Variants in STRIP2 observed in about 807,000 individuals in gnomAD.
STRIP2 encodes striatin interacting protein 2.
In STRIP2, 84 loss-of-function variants were observed where a neutral mutation model predicts 107.1. The ratio of observed to expected loss-of-function variants is 0.78; its 90% CI spans 0.66 to 0.94. The LOEUF is 0.94. Among genes scored for constraint, STRIP2 ranks in the 40% least tolerant of loss-of-function variants. The pLI, the probability that STRIP2 is intolerant of heterozygous loss-of-function variation, is 0.00. For synonymous variants in STRIP2, 394 were observed against 400.4 expected, an observed-to-expected ratio of 0.98 and a Z score of 0.19; for missense variants, 888 against 1,034.2, an observed-to-expected ratio of 0.86 and a Z score of 1.94.
At chr7:129,467,224 TAACAC>T (rs1423782296) in intron 16 of STRIP2, 121 bp from the exon 17 acceptor site, 13 of 695,482 alleles carry the variant, frequency 1.9e-5, no homozygotes, top group Non-Finnish European at 2.9e-5. Context: ...GGAAGACTGA[TAACAC>T]AAGTGGATAG....
rs371492703 is a variant in STRIP2, at chr7:129,487,668, A to G, written c.*1839A>G. The G allele has an allele frequency of 3.3e-5, 5 of 152,228 alleles. No individual in the cohort carries two copies. Among genetic ancestry groups the G allele is most frequent in the Non-Finnish European group, 7.3e-5 (5 of 68,038 alleles). The allele number at this position is 152,228 out of a possible 1,614,324, so 9.4% of individuals were successfully genotyped here. A position where few individuals can be genotyped will look rare whatever the true frequency, so the allele number is the denominator to read the frequency against. On this transcript the variant is annotated 3_prime_UTR_variant, in exon 21 of 21. Coordinates refer to ENST00000249344, the MANE Select transcript of STRIP2 (RefSeq NM_020704.3). Reference sequence around the variant, plus strand: ...AAGTAGGACAGTAGTCCTTACTGCAATCAAAATAATTTACTGAGCACAACT... The same window carrying G: ...AAGTAGGACAGTAGTCCTTACTGCAGTCAAAATAATTTACTGAGCACAACT...
chr7:129,434,631 C>A, intron 1 of STRIP2, 30 bp downstream of exon 1: 1 of 1,442,576 alleles, frequency 6.9e-7, no homozygotes, highest in Non-Finnish European at 9.1e-7. Flanking sequence ...TCGGCTGGGG[C>A]CCGGAGACGC....
At chr7:129,436,340 A>T (rs1013488637) in intron 1 of STRIP2, among the ~76,000 whole-genome samples, 1 of 152,158 alleles carries the variant, frequency 6.6e-6, no homozygotes, top group African/African-American at 2.4e-5. Context: ...TCCCTTCTAA[A>T]GTTGCAATCT....
In STRIP2 at chr7:129,454,196, T is replaced by C. The variant is rs143620897; in HGVS notation, c.585T>C (p.Asp195=). The change falls in exon 6 of 21, where the codon GAT becomes GAC. Residue 195 remains aspartate (D), a synonymous_variant. Coordinates refer to ENST00000249344, the MANE Select transcript of STRIP2 (RefSeq NM_020704.3). The stretch of plus-strand genomic sequence containing the variant: ...GGAAACCAGCTGTCTCCATAGCTGA[T>C]AGCACAGAGCTCAGGTGAGTGGGGC... ...ALRKPAVSIA[D]STELRVLLSV... 77 of 1,614,156 alleles carry C rather than the reference T, an allele frequency of 4.8e-5. No homozygotes were observed. The highest frequency in any genetic ancestry group is 1.2e-4 in the African/African-American group (9 of 75,042).
At chr7:129,470,770 AT>A in intron 18 of STRIP2, 55 bp downstream of exon 18, 2 of 1,479,166 alleles carry the variant, frequency 1.4e-6, no homozygotes, top group Non-Finnish European at 1.9e-6. Context: ...ACAGGTTGGC[AT>A]TTGCTCTTTC....
intron 13 of STRIP2, among the ~76,000 whole-genome samples, chr7:129,462,233 C>A (rs1018208893): frequency 1.3e-5 from 2 of 152,200 alleles, no homozygotes; most frequent in Non-Finnish European, 2.9e-5. Flanking sequence ...TTAGGACTTA[C>A]GTCCATTTAA....
rs1799161812 is a variant in STRIP2, at chr7:129,482,834, A to G, written c.2050-8A>G. On this transcript the variant is annotated splice_region_variant and splice_polypyrimidine_tract_variant and intron_variant, in intron 19 of 20. Transcript: ENST00000249344. The stretch of plus-strand genomic sequence containing the variant: ...AGATCTTTACCCCACCCCTCTTTCA[A>G]TGAACAGATGCTGGTAGTGTTTAAA... 1.9e-6 allele frequency: 3 copies of G among 1,613,596 alleles called. No individual in the cohort carries two copies. Among genetic ancestry groups the G allele is most frequent in the Non-Finnish European group, 2.5e-6 (3 of 1,179,664 alleles).
intron 1 of STRIP2, among the ~76,000 whole-genome samples, chr7:129,439,061 C>CTTA (rs1442172692): frequency 1.3e-5 from 2 of 152,196 alleles, no homozygotes; most frequent in African/African-American, 2.4e-5. Flanking sequence ...CATGACTGAA[C>CTTA]TTAATCTGTA....
intron 18 of STRIP2, among the ~76,000 whole-genome samples, chr7:129,471,271 G>A (rs1013806692): frequency 1.3e-5 from 2 of 152,078 alleles, no homozygotes; most frequent in African/African-American, 4.8e-5. Flanking sequence ...TTAATTCCAT[G>A]AAACTGACTG....
intron 18 of STRIP2, among the ~76,000 whole-genome samples, chr7:129,471,233 A>C (rs1165604390): frequency 6.6e-6 from 1 of 152,216 alleles, no homozygotes; most frequent in Non-Finnish European, 1.5e-5. Context: ...AGCTCTAGGC[A>C]AATCAGAAAA....
At chr7:129,471,543 A>C (rs940793147) in intron 18 of STRIP2, among the ~76,000 whole-genome samples, 2 of 152,084 alleles carry the variant, frequency 1.3e-5, no homozygotes, top group African/African-American at 4.8e-5. Context: ...GGTTACTACA[A>C]CCCTTTGTCC....
At chr7:129,445,583 A>G (rs1322384224) in intron 3 of STRIP2, among the ~76,000 whole-genome samples, 1 of 151,948 alleles carries the variant, frequency 6.6e-6, no homozygotes. Flanking sequence ...CATATGTTGG[A>G]TGCTGATTCA....
chr7:129,466,487 A>T (rs1221232848), intron 16 of STRIP2, among the ~76,000 whole-genome samples: 2 of 152,064 alleles, frequency 1.3e-5, no homozygotes, highest in African/African-American at 4.8e-5. Context: ...GATTTAAAAC[A>T]CCATAGTTCT....
intron 3 of STRIP2, among the ~76,000 whole-genome samples, chr7:129,445,604 G>A (rs1798014050): frequency 6.6e-6 from 1 of 151,996 alleles, no homozygotes; most frequent in Non-Finnish European, 1.5e-5. Context: ...GAGCATACAC[G>A]GCCTTCTGGA....
At position 129,458,247 on chromosome 7, in the gene STRIP2, C is replaced by CT. The variant is rs1165837780; in HGVS notation, c.1072dup (p.Tyr358LeufsTer3). Reference sequence around the variant, plus strand: ...TCACTAAGCAGGACAGCCTGGACATCTACAATGAAAGGGATCTCTTCAAGA... The same window carrying CT: ...TCACTAAGCAGGACAGCCTGGACATCTTACAATGAAAGGGATCTCTTCAAGA... On this transcript the variant is annotated frameshift_variant, in exon 10 of 21. Transcript: ENST00000249344. LOFTEE classifies it high-confidence loss of function. This position sits in a 1 kb window ranked among gnomAD's most constrained non-coding sequence, Gnocchi z 4.6. 6.2e-7 allele frequency: 1 copy of CT among 1,614,184 alleles called. No homozygotes were observed. Among genetic ancestry groups the CT allele is most frequent in the South Asian group, 1.1e-5 (1 of 91,068 alleles).
intron 6 of STRIP2, 41 bp downstream of exon 6, chr7:129,454,251 T>C: frequency 3.1e-6 from 5 of 1,599,748 alleles, no homozygotes; most frequent in Non-Finnish European, 4.3e-6. Context: ...GGGCAGATGA[T>C]TAGCACCTGG....
At position 129,434,482 on chromosome 7, in the gene STRIP2, C is replaced by G. The variant is rs773829057; in HGVS notation, c.10C>G (p.Pro4Ala). Reference sequence around the variant, plus strand: ...GCCGCTGACCAGCAGCATGGAGGACCCCGCCGCGCCTGGGACCGGGGGCCC... The same window carrying G: ...GCCGCTGACCAGCAGCATGGAGGACGCCGCCGCGCCTGGGACCGGGGGCCC... Reference protein sequence around the residue: MEDPAAPGTGGPPA... With the variant: MEDAAAPGTGGPPA... The change falls in exon 1 of 21, where the codon CCC (proline) becomes GCC (alanine). Residue 4 changes from proline to alanine, a missense_variant. Pro to Ala is a conservative substitution (Grantham distance 27, BLOSUM62 -1). Coordinates refer to ENST00000249344, the MANE Select transcript of STRIP2 (RefSeq NM_020704.3). 2.0e-6 allele frequency: 3 copies of G among 1,514,188 alleles called. No individual in the cohort carries two copies. The highest frequency in any genetic ancestry group is 8.8e-7 in the Non-Finnish European group (1 of 1,138,016). 93.8% of individuals were successfully genotyped at this position (1,514,188 alleles called of 1,614,324 possible).
In STRIP2 at chr7:129,456,530, AGGT is replaced by A; in HGVS notation, c.931_933del (p.Val311del). ...CCTCCACTGGCTGAAGACAGTATCC[AGGT>A]GGTGAAGAGCATGCGTGCTGCCTCC... On this transcript the variant is annotated inframe_deletion, in exon 9 of 21. Coordinates refer to ENST00000249344, the MANE Select transcript of STRIP2 (RefSeq NM_020704.3). 1 of 1,614,090 alleles carries A rather than the reference AGGT, an allele frequency of 6.2e-7. No individual in the cohort carries two copies.
In STRIP2 at chr7:129,461,276, G is replaced by A. The variant is rs1310622482; in HGVS notation, c.1476+904G>A. Among the ~76,000 whole-genome samples, 1 of 152,214 alleles carries A rather than the reference G, an allele frequency of 6.6e-6. No individual in the cohort carries two copies. The highest frequency in any genetic ancestry group is 1.5e-5 in the Non-Finnish European group (1 of 68,044). ...CATTAGATACCCATGTGGAGCTGCA[G>A]GCAATTGGAAATAAAGTCTAGAATT... On this transcript the variant is annotated intron_variant, in intron 13 of 20. Transcript: ENST00000249344. This position sits in a 1 kb window ranked among gnomAD's most constrained non-coding sequence, Gnocchi z 4.0.
Sources: gnomAD v4.1 joint callset for allele counts (sites outside exome capture counted in the v4.1 genomes callset) on GRCh38, gnomAD v4.1.1 for gene constraint, Gnocchi (gnomAD v3.1) non-coding constraint, MANE v1.5 for transcripts, NCBI Gene and HGNC (gene_info 2026-07-23, HGNC 2026-07-21) for gene names.